Variants in CD209 observed in about 807,000 individuals in gnomAD.
CD209 encodes the protein CD209 antigen.
In CD209, 31 loss-of-function variants were observed where a neutral mutation model predicts 44.7. The observed-to-expected ratio is 0.69, with a 90% confidence interval of 0.52 to 0.94. The LOEUF (loss-of-function observed/expected upper bound fraction) is 0.94, where lower values mean the gene tolerates loss of function less well. Ranked by LOEUF, CD209 falls within the 40% of genes least tolerant of loss-of-function variation. The pLI is 0.00. For missense variants in CD209, 407 were observed against 452.4 expected, an observed-to-expected ratio of 0.90 and a Z score of 0.91; for synonymous variants, 173 against 181.3, an observed-to-expected ratio of 0.95 and a Z score of 0.37.
Position 7,747,466 on chromosome 19 carries a change from C to T in CD209, c.46G>A (p.Glu16Lys), listed in dbSNP as rs367714741. 6.2e-7 allele frequency: 1 copy of T among 1,614,216 alleles called. No individual in the cohort carries two copies. Among genetic ancestry groups the T allele is most frequent in the Non-Finnish European group, 8.5e-7 (1 of 1,180,040 alleles). The change falls in exon 1 of 7, where the codon GAG (glutamate) becomes AAG (lysine). Residue 16 changes from glutamate (E) to lysine (K), a missense_variant and splice_region_variant. Around this residue, in one of 3 missense-constraint regions of CD209, gnomAD observed 122 missense variants for 110.3 expected, o/e 1.11. Transcript: ENST00000315599. ...TCCCAGCGTCCCAACCCAGCCTCAC[C>T]CAGGAGGCCCAGCTGCTGCAGTCTT... ...EPRLQQLGLL[E>K]EEQLRGLGFR... is the part of the protein sequence containing the mutation.
rs150298356 is a variant in CD209, at chr19:7,745,688, T to C, written c.578A>G (p.Tyr193Cys). The C allele has an allele frequency of 5.0e-6, 8 of 1,585,062 alleles. No individual in the cohort carries two copies. Among genetic ancestry groups the C allele is most frequent in the Non-Finnish European group, 6.0e-6 (7 of 1,169,112 alleles). ...AGCCTTCAGCCGGGTCAGCTCCTGG[T>C]AGATCTCCTGCTGCTTAGATTTCTC... ...LPEKSKQQEI[Y>C]QELTRLKAAV... Residue 193 changes from tyrosine (Y) to cysteine (C), a missense_variant, in exon 4 of 7, where the codon TAC (tyrosine) becomes TGC (cysteine). Tyr to Cys is a radical substitution (Grantham distance 194). Coordinates refer to ENST00000315599, the MANE Select transcript of CD209 (RefSeq NM_021155.4).
At chr19:7,746,329 C>G in intron 3 of CD209, 131 bp downstream of exon 3, 2 of 1,096,496 alleles carry the variant, frequency 1.8e-6, no homozygotes. Flanking sequence ...GTGGGAGAGG[C>G]CCCTACAGAC....
intron 5 of CD209, 101 bp from the exon 6 acceptor site, chr19:7,744,320 C>T: frequency 4.5e-6 from 4 of 883,124 alleles, no homozygotes; most frequent in Non-Finnish European, 7.4e-6. Context: ...GGCTAACCTA[C>T]AGCCTTCTGG....
chr19:7,743,750 G>A (rs2033697342), intron 6 of CD209, among the ~76,000 whole-genome samples: 2 of 152,100 alleles, frequency 1.3e-5, no homozygotes, highest in Non-Finnish European at 2.9e-5. Flanking sequence ...GCTTCCCCAG[G>A]TGGCCCCCAG....
Position 7,742,910 on chromosome 19 carries a change from G to A in CD209, c.*129C>T. The A allele has an allele frequency of 1.3e-6, 1 of 778,154 alleles. No individual in the cohort carries two copies. The highest frequency in any genetic ancestry group is 1.7e-5 in the South Asian group (1 of 59,464). The allele number at this position is 778,154 out of a possible 1,614,324, so 48.2% of individuals were successfully genotyped here. A position where few individuals can be genotyped will look rare whatever the true frequency, so the allele number is the denominator to read the frequency against. On this transcript the variant is annotated 3_prime_UTR_variant, in exon 7 of 7. Transcript: ENST00000315599. Reference sequence around the variant, plus strand: ...CTACACCAGGGGAAATTGGAGGCATGACAAGAAGGACAGAATGGGACCCAG... The same window carrying A: ...CTACACCAGGGGAAATTGGAGGCATAACAAGAAGGACAGAATGGGACCCAG...
At position 7,740,564 on chromosome 19, in the gene CD209, A is replaced by C. The variant is rs2033579154; in HGVS notation, c.*2475T>G. On this transcript the variant is annotated 3_prime_UTR_variant, in exon 7 of 7. Coordinates refer to ENST00000315599, the MANE Select transcript of CD209 (RefSeq NM_021155.4). ...AGAAACGCCAGCAGGAACTTGCTCC[A>C]CTGAGGGACTCAGGACTCTCACAGA... The C allele has an allele frequency of 2.1e-6, 2 of 964,880 alleles. No individual in the cohort carries two copies. The highest frequency in any genetic ancestry group is 1.7e-6 in the Non-Finnish European group (1 of 589,358). The allele number at this position is 964,880 out of a possible 1,614,324, so 59.8% of individuals were successfully genotyped here.
intron 2 of CD209, 61 bp from the exon 3 acceptor site, chr19:7,746,592 G>A (rs368137948): frequency 1.9e-6 from 3 of 1,553,442 alleles, no homozygotes; most frequent in East Asian, 2.2e-5. Flanking sequence ...CCCAGGGAGA[G>A]CCTGGTCTAA....
At chr19:7,744,892 G>A (rs756790510) in intron 5 of CD209, 49 bp downstream of exon 5, 1 of 1,604,986 alleles carries the variant, frequency 6.2e-7, no homozygotes, top group Admixed American at 1.7e-5. Flanking sequence ...CTCCCCAGTT[G>A]GCCAGAAGCC....
Position 7,744,929 on chromosome 19 carries a change from C to A in CD209, c.900+12G>T. ...TGCCCTAGGCCAGGACGGGGACCCC[C>A]ACCAGGTGTACCTGCTCCTCAGCAC... On this transcript the variant is annotated intron_variant, in intron 5 of 6. Coordinates refer to ENST00000315599, the MANE Select transcript of CD209 (RefSeq NM_021155.4). The A allele has an allele frequency of 1.2e-6, 2 of 1,614,144 alleles. No homozygotes were observed. The highest frequency in any genetic ancestry group is 2.2e-5 in the East Asian group (1 of 44,886).
rs923304699 is a variant in CD209, at chr19:7,744,866, C to A, written c.900+75G>T. ...GAGCAAAACCCCTCTTCTGCAAAGT[C>A]ATCTCTGAGCACCTCCTCCCCAGTT... is the stretch of plus-strand genomic sequence containing the variant. On this transcript the variant is annotated intron_variant, in intron 5 of 6. Transcript: ENST00000315599. 57 of 1,574,794 alleles carry A rather than the reference C, an allele frequency of 3.6e-5. No individual in the cohort carries two copies. The African/African-American group carries it at 6.4e-4, about 18-fold the overall frequency.
intron 6 of CD209, among the ~76,000 whole-genome samples, chr19:7,743,460 A>G (rs766749947): frequency 2.0e-4 from 31 of 151,810 alleles, no homozygotes; most frequent in Non-Finnish European, 3.5e-4. Flanking sequence ...TGAGTGTGTG[A>G]TTTTCAAATA....
At chr19:7,746,581 G>T (rs750141810) in intron 2 of CD209, 50 bp from the exon 3 acceptor site, 3 of 1,585,396 alleles carry the variant, frequency 1.9e-6, no homozygotes, top group African/African-American at 1.3e-5. Context: ...CCGGAGCCTG[G>T]CCCAGGGAGA....
rs1014724884 is a variant in CD209 at position 7,745,869 on chromosome 19, C to A, written c.397G>T (p.Ala133Ser). The A allele has an allele frequency of 3.1e-6, 5 of 1,612,992 alleles. No homozygotes were observed. Among genetic ancestry groups the A allele is most frequent in the Non-Finnish European group, 4.2e-6 (5 of 1,179,896 alleles). Residue 133 changes from alanine to serine, a missense_variant, in exon 4 of 7, where the codon GCA becomes TCA. Ala to Ser is a moderately conservative substitution (Grantham distance 99, BLOSUM62 1). Coordinates refer to ENST00000315599, the MANE Select transcript of CD209 (RefSeq NM_021155.4). ...GATTTCTCTGGAAGCTCACCCACTGCAGCCTTCAGCCGGGTCAGCTCCTGG... is the reference window on the plus strand; with the variant it reads ...GATTTCTCTGGAAGCTCACCCACTGAAGCCTTCAGCCGGGTCAGCTCCTGG... ...IYQELTRLKA[A>S]VGELPEKSKL...
In CD209 at chr19:7,740,546, C is replaced by A. The variant is rs560344977; in HGVS notation, c.*2493G>T. 249 of 1,132,220 alleles carry A rather than the reference C, an allele frequency of 2.2e-4. No individual in the cohort carries two copies. The Middle Eastern group carries it at 4.4e-3, about 20-fold the overall frequency. The allele number at this position is 1,132,220 out of a possible 1,614,324, so 70.1% of individuals were successfully genotyped here. ...TGAAGAAGGAGAAACGAAAGAAACG[C>A]CAGCAGGAACTTGCTCCACTGAGGG... On this transcript the variant is annotated 3_prime_UTR_variant, in exon 7 of 7. Transcript: ENST00000315599.
intron 6 of CD209, 95 bp downstream of exon 6, chr19:7,744,012 G>A: frequency 3.0e-6 from 3 of 1,012,228 alleles, no homozygotes; most frequent in Non-Finnish European, 4.6e-6. Flanking sequence ...TTGGGTCTAG[G>A]GTGTCAGGGA....
rs1197460222 is a variant in CD209 at position 7,744,231 on chromosome 19, A to G, written c.901-12T>C. On this transcript the variant is annotated splice_polypyrimidine_tract_variant and intron_variant, in intron 5 of 6. Transcript: ENST00000315599. ...AGCTGTAGGAAGTTCTGGAGGGTAC[A>G]GGAGGAGTCAGGAGGGAGCTCTGCT... is the stretch of plus-strand genomic sequence containing the variant. The G allele has an allele frequency of 4.5e-6, 7 of 1,568,732 alleles. No individual in the cohort carries two copies. The highest frequency in any genetic ancestry group is 6.1e-6 in the Non-Finnish European group (7 of 1,139,164).
rs1026781110 is a variant in CD209 at position 7,745,695 on chromosome 19, C to A, written c.571G>T (p.Glu191Ter). 2.1e-5 allele frequency: 33 copies of A among 1,595,708 alleles called. No individual in the cohort carries two copies. The highest frequency in any genetic ancestry group is 2.7e-5 in the Non-Finnish European group (32 of 1,177,918). ...AGCCGGGTCAGCTCCTGGTAGATCT[C>A]CTGCTGCTTAGATTTCTCTGGAAGC... ...GELPEKSKQQ[E>*]IYQELTRLKA... Residue 191 changes from glutamate (E) to a stop codon, truncating the protein, a stop_gained, in exon 4 of 7, where the codon GAG (glutamate) becomes TAG (stop). Coordinates refer to ENST00000315599, the MANE Select transcript of CD209 (RefSeq NM_021155.4). LOFTEE classifies it high-confidence loss of function.
intron 2 of CD209, 79 bp downstream of exon 2, chr19:7,747,227 G>A (rs2033869023): frequency 2.1e-6 from 3 of 1,451,156 alleles, no homozygotes; most frequent in South Asian, 2.3e-5. Context: ...AAGAGTCCAG[G>A]CCCCAGCGTC....
At position 7,741,364 on chromosome 19, in the gene CD209, T is replaced by C; in HGVS notation, c.*1675A>G. On this transcript the variant is annotated 3_prime_UTR_variant, in exon 7 of 7. Coordinates refer to ENST00000315599, the MANE Select transcript of CD209 (RefSeq NM_021155.4). ...GCACGCCCAGCTAATTTTTGTACTTTTAGTGGAGTCCCAGCTACTCGGGAG... is the reference window on the plus strand; with the variant it reads ...GCACGCCCAGCTAATTTTTGTACTTCTAGTGGAGTCCCAGCTACTCGGGAG... 2 of 373,078 alleles carry C rather than the reference T, an allele frequency of 5.4e-6. No individual in the cohort carries two copies. The highest frequency in any genetic ancestry group is 6.2e-5 in the East Asian group (1 of 16,118). 23.1% of individuals were successfully genotyped at this position (373,078 alleles called of 1,614,324 possible).
Sources: gnomAD v4.1 joint callset for allele counts (sites outside exome capture counted in the v4.1 genomes callset) on GRCh38, gnomAD v4.1.1 for gene constraint, gnomAD v4.1.1 regional missense constraint, MANE v1.5 for transcripts, NCBI Gene and HGNC (gene_info 2026-07-23, HGNC 2026-07-21) for gene names.